Variants in G2E3 observed in about 807,000 individuals in gnomAD.
G2E3 encodes G2/M phase-specific E3 ubiquitin-protein ligase.
Under a neutral mutation model 92.8 loss-of-function variants are expected in G2E3, and 35 were observed. The observed-to-expected ratio is 0.38, with a 90% CI of 0.29 to 0.50. G2E3 has a LOEUF of 0.50. G2E3 is among the 20% of genes least tolerant of loss of function. The pLI is 0.94. For synonymous variants in G2E3, 242 were observed against 272.4 expected (o/e 0.89, Z 1.10); for missense variants, 554 against 823.8 (o/e 0.67, Z 4.01).
At chr14:30,601,314 A>G (rs1881556477) in intron 8 of G2E3, among the ~76,000 whole-genome samples, 1 of 152,214 alleles carries the variant, frequency 6.6e-6, no homozygotes. Flanking sequence ...TGAGCCAGGT[A>G]GATCTGGATT....
chr14:30,581,702 A>C (rs1880446505), intron 2 of G2E3, among the ~76,000 whole-genome samples: 1 of 148,138 alleles, frequency 6.8e-6, no homozygotes, highest in Non-Finnish European at 1.5e-5. Context: ...ACCCTGTATC[A>C]AAAAAAAGAA....
At chr14:30,587,488 G>A (rs1880774849) in intron 3 of G2E3, among the ~76,000 whole-genome samples, 1 of 152,140 alleles carries the variant, frequency 6.6e-6, no homozygotes, top group Non-Finnish European at 1.5e-5. Context: ...AAATTATTCT[G>A]AAATTTAGCA....
At chr14:30,597,550 TAAAA>T in intron 7 of G2E3, 24 bp downstream of exon 7, 1 of 1,112,056 alleles carries the variant, frequency 9.0e-7, no homozygotes, top group Non-Finnish European at 1.4e-6. Context: ...AGCCTTATGA[TAAAA>T]AAAAGATATT....
At chr14:30,593,823 A>G (rs1003446161) in intron 6 of G2E3, among the ~76,000 whole-genome samples, 184 bp downstream of exon 6, 9 of 152,320 alleles carry the variant, frequency 5.9e-5, no homozygotes, top group Non-Finnish European at 1.3e-4. Flanking sequence ...TTAAGTATAC[A>G]ATTAACATTC....
In G2E3 at chr14:30,598,573, A is replaced by C. The variant is rs1461934834; in HGVS notation, c.726A>C (p.Glu242Asp). The C allele has an allele frequency of 6.2e-7, 1 of 1,611,524 alleles. No individual in the cohort carries two copies. Among genetic ancestry groups the C allele is most frequent in the East Asian group, 2.2e-5 (1 of 44,872 alleles). Residue 242 changes from glutamate to aspartate, a missense_variant, in exon 8 of 15, where the codon GAA becomes GAC. Glu to Asp is a conservative substitution (Grantham distance 45). Around this residue, in one of 3 missense-constraint regions of G2E3, gnomAD observed 397 missense variants for 560.3 expected, o/e 0.71. Transcript: ENST00000206595. ...ATGTTCGAAGATGTCGTTGCAAAGA[A>C]GGGCGAGACTATAATGCACCTGATA... Reference protein sequence around the residue: ...RCDVRRCRCKEGRDYNAPDSK... With the variant: ...RCDVRRCRCKDGRDYNAPDSK...
At chr14:30,571,626 C>G (rs1049418310) in intron 1 of G2E3, among the ~76,000 whole-genome samples, 1 of 151,978 alleles carries the variant, frequency 6.6e-6, no homozygotes. Flanking sequence ...TCCCCCCACC[C>G]TCCGCCCAAA....
intron 12 of G2E3, among the ~76,000 whole-genome samples, chr14:30,611,066 A>G (rs750570258): frequency 6.6e-6 from 1 of 152,236 alleles, no homozygotes; most frequent in Non-Finnish European, 1.5e-5. Context: ...ATTATCGTGT[A>G]ACACTTAGCA....
intron 1 of G2E3, among the ~76,000 whole-genome samples, chr14:30,562,722 T>C (rs1034652922): frequency 8.5e-5 from 13 of 152,192 alleles, no homozygotes; most frequent in Admixed American, 8.5e-4. Flanking sequence ...GGTGCTGTGC[T>C]TCAATGGTCA....
chr14:30,589,385 G>T lies in G2E3; in HGVS notation c.138G>T (p.Leu46Phe). 1 of 1,551,668 alleles carries T rather than the reference G, an allele frequency of 6.4e-7. No homozygotes were observed. Among genetic ancestry groups the T allele is most frequent in the Non-Finnish European group, 8.9e-7 (1 of 1,124,560 alleles). The change falls in exon 4 of 15, where the codon TTG becomes TTT. Residue 46 changes from leucine to phenylalanine, a missense_variant and splice_region_variant. By Grantham distance (22) the Leu-to-Phe change is conservative (BLOSUM62 0). Coordinates refer to ENST00000206595, the MANE Select transcript of G2E3 (RefSeq NM_017769.5). ...WNLTVHYYCL[L>F]MSSGIWQRGK... ...TCTAATTGAGAATATATTCATAGTT[G>T]ATGTCAAGTGGAATTTGGCAGAGAG...
Position 30,612,386 on chromosome 14 carries a change from T to G in G2E3, c.1673+7T>G. 1 of 1,530,700 alleles carries G rather than the reference T, an allele frequency of 6.5e-7. No individual in the cohort carries two copies. Among genetic ancestry groups the G allele is most frequent in the Non-Finnish European group, 8.9e-7 (1 of 1,129,860 alleles). The allele number at this position is 1,530,700 out of a possible 1,614,324, so 94.8% of individuals were successfully genotyped here. A position where few individuals can be genotyped will look rare whatever the true frequency, so the allele number is the denominator to read the frequency against. On this transcript the variant is annotated splice_region_variant and intron_variant, in intron 13 of 14. Coordinates refer to ENST00000206595, the MANE Select transcript of G2E3 (RefSeq NM_017769.5). Reference sequence around the variant, plus strand: ...TCCACACACCCTTTGAAAGGTAAGTTGTTTCTATTAATATATGGCTCTTTC... The same window carrying G: ...TCCACACACCCTTTGAAAGGTAAGTGGTTTCTATTAATATATGGCTCTTTC...
chr14:30,602,482 A>G (rs1594503018), intron 10 of G2E3, among the ~76,000 whole-genome samples: 1 of 152,326 alleles, frequency 6.6e-6, no homozygotes, highest in Non-Finnish European at 1.5e-5. Flanking sequence ...GATAGTTTGA[A>G]AAACACTGGT....
chr14:30,560,147 A>G (rs1308095811), intron 1 of G2E3: 1 of 151,440 alleles, frequency 6.6e-6, no homozygotes, highest in African/African-American at 2.4e-5. Flanking sequence ...GAACTATCTG[A>G]AATATGGAAC....
intron 2 of G2E3, among the ~76,000 whole-genome samples, chr14:30,584,933 G>C (rs552669769): frequency 4.0e-4 from 60 of 148,668 alleles, no homozygotes; most frequent in African/African-American, 1.5e-3. Context: ...CCAGGTTCAA[G>C]CAATTCTTCT....
At chr14:30,568,202 T>G (rs1879551610) in intron 1 of G2E3, among the ~76,000 whole-genome samples, 1 of 152,118 alleles carries the variant, frequency 6.6e-6, no homozygotes, top group Non-Finnish European at 1.5e-5. Context: ...ACTTAAAGCC[T>G]GTTTTGTCTG....
At chr14:30,580,984 T>A in intron 1 of G2E3, 92 bp from the exon 2 acceptor site, 1 of 749,232 alleles carries the variant, frequency 1.3e-6, no homozygotes, top group Non-Finnish European at 2.4e-6. Flanking sequence ...TTAGATGACT[T>A]ATTTGTCATT....
rs1052830673 is a variant in G2E3 at position 30,611,694 on chromosome 14, G to C, written c.1501-513G>C. On this transcript the variant is annotated intron_variant, in intron 12 of 14. Transcript: ENST00000206595. ...TTTTTAAGAGATAAGGTCTCAGTCT[G>C]TCACCCAGGCTGGAGTACATTGGTG... 12 of 151,952 alleles carry C rather than the reference G, an allele frequency of 7.9e-5. 1 individual carries two copies. The highest frequency in any genetic ancestry group is 2.9e-4 in the African/African-American group (12 of 41,428). The allele number at this position is 151,952 out of a possible 1,614,324, so 9.4% of individuals were successfully genotyped here.
At chr14:30,575,223 CT>C (rs1319928880) in intron 1 of G2E3, among the ~76,000 whole-genome samples, 1 of 152,002 alleles carries the variant, frequency 6.6e-6, no homozygotes, top group South Asian at 2.1e-4. Flanking sequence ...TATATGTCTT[CT>C]TTTGAGAAGT....
At chr14:30,566,557 C>A (rs1411736036) in intron 1 of G2E3, among the ~76,000 whole-genome samples, 3 of 152,126 alleles carry the variant, frequency 2.0e-5, no homozygotes, top group African/African-American at 4.8e-5. Flanking sequence ...TATAGAAATA[C>A]AACTGATATT....
rs557567092 is a variant in G2E3 at position 30,591,862 on chromosome 14, G to A, written c.238-461G>A. ...GGAGACCACTCTAAATCCACTGTAGGTGTCTCAACACTTTTTCATTTGGTC... is the reference window on the plus strand; with the variant it reads ...GGAGACCACTCTAAATCCACTGTAGATGTCTCAACACTTTTTCATTTGGTC... On this transcript the variant is annotated intron_variant, in intron 4 of 14. Coordinates refer to ENST00000206595, the MANE Select transcript of G2E3 (RefSeq NM_017769.5). 2.6e-5 allele frequency among the ~76,000 whole-genome samples: 4 copies of A among 152,216 alleles called. No homozygotes were observed. The South Asian group carries it at 8.3e-4, about 32-fold the overall frequency.
Sources: allele counts gnomAD v4.1 joint callset (sites outside exome capture counted in the v4.1 genomes callset), GRCh38; gene constraint gnomAD v4.1.1; regional missense constraint gnomAD v4.1.1; transcripts MANE v1.5; gene names NCBI Gene and HGNC (gene_info 2026-07-23, HGNC 2026-07-21).